Variants in INPP4B observed in about 807,000 individuals in gnomAD.
INPP4B encodes the protein inositol polyphosphate-4-phosphatase type II B, also known as inositol polyphosphate 4-phosphatase type II.
A neutral mutation model predicts 122.5 loss-of-function variants in INPP4B; 55 were observed. The ratio of observed to expected loss-of-function variants is 0.45; its 90% CI spans 0.36 to 0.56. The LOEUF is 0.56. Among genes scored for constraint, INPP4B ranks in the 20% least tolerant of loss-of-function variants. INPP4B has a pLI of 0.00. For missense variants in INPP4B, 1,000 were observed against 1,097.7 expected (o/e 0.91, Z 1.26); for synonymous variants, 403 against 388.7 (o/e 1.04, Z -0.43).
intron 25 of INPP4B, among the ~76,000 whole-genome samples, chr4:142,038,924 T>C (rs1745639426): frequency 6.6e-6 from 1 of 152,126 alleles, no homozygotes; most frequent in African/African-American, 2.4e-5. Flanking sequence ...CTCAAAATGG[T>C]TTCAAAATTT....
At chr4:142,618,159 A>G (rs1314992791) in intron 2 of INPP4B, among the ~76,000 whole-genome samples, 1 of 152,082 alleles carries the variant, frequency 6.6e-6, no homozygotes, top group Non-Finnish European at 1.5e-5. Context: ...CATATTACTC[A>G]AACTGATTTA....
chr4:142,620,864 C>G (rs1314162832), intron 2 of INPP4B, among the ~76,000 whole-genome samples: 6 of 151,834 alleles, frequency 4.0e-5, no homozygotes, highest in African/African-American at 1.5e-4. Context: ...TCACTTAAAA[C>G]ATAACCATTC....
intron 1 of INPP4B, among the ~76,000 whole-genome samples, chr4:142,840,181 T>G (rs987354184): frequency 8.5e-5 from 13 of 152,156 alleles, no homozygotes; most frequent in Non-Finnish European, 1.5e-4. Flanking sequence ...GACCGGGTCA[T>G]CACTATAACA....
chr4:142,823,565 GA>G (rs1170325809), intron 1 of INPP4B, among the ~76,000 whole-genome samples: 1 of 152,080 alleles, frequency 6.6e-6, no homozygotes, highest in Non-Finnish European at 1.5e-5. Context: ...CATAAATGAT[GA>G]AGATTCATTT....
chr4:142,344,822 T>G (rs1779802254), intron 7 of INPP4B, among the ~76,000 whole-genome samples: 2 of 151,878 alleles, frequency 1.3e-5, no homozygotes, highest in Non-Finnish European at 2.9e-5. Context: ...TGACACAAGT[T>G]TACCTATGTA....
intron 1 of INPP4B, among the ~76,000 whole-genome samples, chr4:142,779,568 A>T (rs765915888): frequency 2.6e-5 from 4 of 152,088 alleles, no homozygotes; most frequent in Non-Finnish European, 4.4e-5. Flanking sequence ...TTGTACCAAC[A>T]TGGTACACTG....
intron 2 of INPP4B, among the ~76,000 whole-genome samples, chr4:142,567,833 G>A (rs1021196365): frequency 6.6e-6 from 1 of 151,970 alleles, no homozygotes; most frequent in Non-Finnish European, 1.5e-5. Context: ...TTACGCTCCT[G>A]TAAATGAATA....
chr4:142,486,612 T>C (rs943151356), intron 2 of INPP4B, among the ~76,000 whole-genome samples: 2 of 152,134 alleles, frequency 1.3e-5, no homozygotes, highest in African/African-American at 4.8e-5. Context: ...GTTTTTTATA[T>C]ATAGAAACTC....
chr4:142,566,277 T>C (rs1021076977), intron 2 of INPP4B: 1 of 152,124 alleles, frequency 6.6e-6, no homozygotes, highest in African/African-American at 2.4e-5. Flanking sequence ...TTCAGGCACA[T>C]AGTCATAATA....
intron 23 of INPP4B, among the ~76,000 whole-genome samples, chr4:142,089,437 CCACACACA>C (rs36203495): frequency 1.6e-3 from 228 of 141,606 alleles, no homozygotes; most frequent in African/African-American, 5.7e-3. Context: ...GATGTTCTCA[CCACACACA>C]CACACACACA....
At position 142,028,520 on chromosome 4, in the gene INPP4B, CCAATCTCAATCAGCTAGGCTCAACA is replaced by C; in HGVS notation, c.*237_*261del. ...ATGAATGAAATTTACACTTTGTGAA[CCAATCTCAATCAGCTAGGCTCAACA>C]CATAGAAGCTTAGAACTAGAAATGA... On this transcript the variant is annotated 3_prime_UTR_variant, in exon 26 of 26. Coordinates refer to ENST00000262992, the MANE Select transcript of INPP4B (RefSeq NM_001101669.3). 1 of 410,238 alleles carries C rather than the reference CCAATCTCAATCAGCTAGGCTCAACA, an allele frequency of 2.4e-6. No individual in the cohort carries two copies. Among genetic ancestry groups the C allele is most frequent in the Non-Finnish European group, 4.4e-6 (1 of 229,620 alleles). 25.4% of individuals were successfully genotyped at this position (410,238 alleles called of 1,614,324 possible). A position where few individuals can be genotyped will look rare whatever the true frequency, so the allele number is the denominator to read the frequency against.
chr4:142,393,727 A>T (rs963607135), intron 7 of INPP4B, among the ~76,000 whole-genome samples: 2 of 152,246 alleles, frequency 1.3e-5, no homozygotes, highest in African/African-American at 4.8e-5. Context: ...CCCAGCAGCC[A>T]TACTTCAACC....
chr4:142,194,552 TAAGAATCCTGAGGATC>T (rs1385429871), intron 14 of INPP4B, among the ~76,000 whole-genome samples: 1 of 152,190 alleles, frequency 6.6e-6, no homozygotes, highest in Non-Finnish European at 1.5e-5. Flanking sequence ...ATTTATCTGA[TAAGAATCCTGAGGATC>T]ACTACAAGCT....
chr4:142,736,315 T>G (rs1490712687), intron 1 of INPP4B, among the ~76,000 whole-genome samples: 2 of 151,984 alleles, frequency 1.3e-5, no homozygotes, highest in East Asian at 1.9e-4. Flanking sequence ...TGAAACTTGC[T>G]CTTGTAATTT....
chr4:142,160,322 A>C, intron 17 of INPP4B, 36 bp downstream of exon 17: 3 of 1,313,438 alleles, frequency 2.3e-6, no homozygotes, highest in Non-Finnish European at 2.0e-6. Context: ...TCTCATTGCC[A>C]AACATTGAGA....
At chr4:142,315,408 G>C (rs1314418921) in intron 7 of INPP4B, among the ~76,000 whole-genome samples, 1 of 152,060 alleles carries the variant, frequency 6.6e-6, no homozygotes, top group Non-Finnish European at 1.5e-5. Context: ...CAAAGAACCG[G>C]TTATCTGGGC....
chr4:142,779,292 C>T (rs1013970845), intron 1 of INPP4B, among the ~76,000 whole-genome samples: 5 of 151,686 alleles, frequency 3.3e-5, no homozygotes, highest in Admixed American at 6.6e-5. Context: ...TTAGGGTATC[C>T]TAGGACCCCA....
intron 2 of INPP4B, among the ~76,000 whole-genome samples, chr4:142,691,491 A>T (rs1446616015): frequency 9.2e-5 from 14 of 152,144 alleles, no homozygotes; most frequent in Admixed American, 9.2e-4. Flanking sequence ...AAAATCAAAC[A>T]AGGGAAAGAA....
intron 2 of INPP4B, among the ~76,000 whole-genome samples, chr4:142,484,201 G>T (rs567568524): frequency 6.6e-6 from 1 of 152,074 alleles, no homozygotes; most frequent in South Asian, 2.1e-4. Context: ...TGAGCAACTT[G>T]AAAATTAAGA....
Sources: allele counts gnomAD v4.1 joint callset (sites outside exome capture counted in the v4.1 genomes callset), GRCh38; gene constraint gnomAD v4.1.1; transcripts MANE v1.5; gene names NCBI Gene and HGNC (gene_info 2026-07-23, HGNC 2026-07-21).